The following SRGAP3 variants were observed in gnomAD, a reference collection of about 807,000 sequenced individuals.
SRGAP3 encodes SLIT-ROBO Rho GTPase-activating protein 3.
SRGAP3 carries 39 observed loss-of-function variants against 121.1 expected under a neutral mutation model. The ratio of observed to expected loss-of-function variants is 0.32; its 90% CI spans 0.25 to 0.42. The LOEUF is 0.42. Among genes scored for constraint, SRGAP3 ranks in the 10% least tolerant of loss-of-function variants. The pLI is 1.00. For synonymous variants in SRGAP3, 601 were observed against 570.0 expected, an observed-to-expected ratio of 1.05 and a Z score of -0.77; for missense variants, 1,213 against 1,470.6, an observed-to-expected ratio of 0.82 and a Z score of 2.86.
intron 1 of SRGAP3, among the ~76,000 whole-genome samples, chr3:9,213,114 G>A (rs1282589615): frequency 4.6e-5 from 7 of 152,136 alleles, no homozygotes; most frequent in African/African-American, 7.2e-5. Flanking sequence ...ATAGCCACAC[G>A]GGTAGCCCTC....
chr3:9,249,328 C>G lies in SRGAP3; in HGVS notation c.-377G>C. On this transcript the variant is annotated 5_prime_UTR_variant, in exon 1 of 22. Transcript: ENST00000383836. ...ACACACTCACGCATGCACAGGCACA[C>G]TCACCGGGACACGCACACAGTTGTG... 4.7e-6 allele frequency: 2 copies of G among 428,664 alleles called. No homozygotes were observed. Among genetic ancestry groups the G allele is most frequent in the Non-Finnish European group, 8.7e-6 (2 of 229,886 alleles). 26.6% of individuals were successfully genotyped at this position (428,664 alleles called of 1,614,324 possible). A position where few individuals can be genotyped will look rare whatever the true frequency, so the allele number is the denominator to read the frequency against.
At chr3:9,192,082 T>C (rs7619013) in intron 1 of SRGAP3, among the ~76,000 whole-genome samples, 35,168 of 152,086 alleles carry the variant, frequency 0.23, 4,560 homozygotes, top group African/African-American at 0.35. Flanking sequence ...TTTATAGCAA[T>C]GCAAGAATGG....
intron 1 of SRGAP3, among the ~76,000 whole-genome samples, chr3:9,157,243 A>G (rs752901717): frequency 7.2e-5 from 11 of 152,170 alleles, no homozygotes; most frequent in Admixed American, 2.6e-4. Context: ...ACGTCTTCAC[A>G]TGGTGGCAGC....
chr3:9,161,780 GT>G (rs1214284663), intron 1 of SRGAP3, among the ~76,000 whole-genome samples: 3 of 152,094 alleles, frequency 2.0e-5, no homozygotes, highest in African/African-American at 4.8e-5. Flanking sequence ...TGCTGGCTGG[GT>G]CTCCATCTGC....
At chr3:9,248,579 A>G (rs1421022172) in intron 1 of SRGAP3, among the ~76,000 whole-genome samples, 1 of 152,168 alleles carries the variant, frequency 6.6e-6, no homozygotes, top group African/African-American at 2.4e-5. Context: ...TTAGAGTGAC[A>G]TGTCACCGCC....
At position 9,239,625 on chromosome 3, in the gene SRGAP3, A is replaced by G. The variant is rs896485195; in HGVS notation, c.67+9260T>C. Among the ~76,000 whole-genome samples the G allele has an allele frequency of 6.6e-6, 1 of 152,126 alleles. No homozygotes were observed. The highest frequency in any genetic ancestry group is 1.5e-5 in the Non-Finnish European group (1 of 68,022). On this transcript the variant is annotated intron_variant, in intron 1 of 21. Coordinates refer to ENST00000383836, the MANE Select transcript of SRGAP3 (RefSeq NM_014850.4). The surrounding 1 kb of genome is among the most constrained non-coding windows in gnomAD (Gnocchi z 4.0). ...CTGCAGCAGTGTGCACCCCATTACC[A>G]TCACGCACAGATGGGCACACGCAAT...
intron 3 of SRGAP3, among the ~76,000 whole-genome samples, chr3:9,299,968 A>G (rs1045385599): frequency 2.0e-4 from 30 of 151,772 alleles, no homozygotes; most frequent in Non-Finnish European, 4.3e-4. Context: ...AGGAACCTTC[A>G]CAAGCTATGT....
intron 1 of SRGAP3, among the ~76,000 whole-genome samples, chr3:9,164,186 G>A (rs539901257): frequency 1.3e-5 from 2 of 151,016 alleles, no homozygotes; most frequent in African/African-American, 2.4e-5. Context: ...CAGTATAGAC[G>A]GGGTTTCTCC....
chr3:9,062,258 A>C (rs1301345919), intron 5 of SRGAP3, among the ~76,000 whole-genome samples: 1 of 152,182 alleles, frequency 6.6e-6, no homozygotes, highest in Non-Finnish European at 1.5e-5. Context: ...TGAGAACTGG[A>C]GAGAAGTGGC....
intron 1 of SRGAP3, among the ~76,000 whole-genome samples, chr3:9,132,048 C>T (rs1043660625): frequency 1.3e-5 from 2 of 152,126 alleles, no homozygotes; most frequent in Admixed American, 6.5e-5. Context: ...ACAACCACAA[C>T]CTCACCAGCA....
intron 3 of SRGAP3, among the ~76,000 whole-genome samples, chr3:9,295,547 A>C (rs1954938621): frequency 6.6e-6 from 1 of 152,228 alleles, no homozygotes. Flanking sequence ...CAAAGGCATA[A>C]AAAGACATAC....
intron 11 of SRGAP3, chr3:9,034,941 T>G (rs1216451449): frequency 6.6e-6 from 1 of 152,228 alleles, no homozygotes; most frequent in Admixed American, 6.5e-5. Flanking sequence ...GATCATTTCC[T>G]TATCACATTG....
chr3:9,353,690 C>A (rs927676130), intron 1 of SRGAP3, among the ~76,000 whole-genome samples: 3 of 152,312 alleles, frequency 2.0e-5, no homozygotes, highest in African/African-American at 7.2e-5. Flanking sequence ...CCTGACAGGA[C>A]AAAGGTCCTT....
chr3:9,313,286 C>T (rs1034856869), intron 3 of SRGAP3, among the ~76,000 whole-genome samples: 2 of 152,228 alleles, frequency 1.3e-5, no homozygotes, highest in African/African-American at 2.4e-5. Flanking sequence ...TCAACTGCCA[C>T]TTTCTCAATG....
chr3:9,252,542 G>A (rs182865837), upstream of SRGAP3, among the ~76,000 whole-genome samples: 123 of 152,238 alleles, frequency 8.1e-4, no homozygotes, highest in African/African-American at 2.7e-3. Flanking sequence ...TACCCAGATT[G>A]GGAAAAGGAA....
chr3:9,328,345 A>T (rs1331596055), intron 2 of SRGAP3, among the ~76,000 whole-genome samples: 1 of 152,212 alleles, frequency 6.6e-6, no homozygotes, highest in East Asian at 1.9e-4. Flanking sequence ...CCACATTTTA[A>T]GTTTCTTAAT....
At chr3:9,016,111 G>T in intron 14 of SRGAP3, 1 of 271,096 alleles carries the variant, frequency 3.7e-6, no homozygotes. Flanking sequence ...CTAAGAATAA[G>T]GATATTCTTG....
intron 11 of SRGAP3, chr3:9,035,665 A>T (rs990315723): frequency 1.2e-5 from 2 of 173,702 alleles, no homozygotes; most frequent in Non-Finnish European, 2.5e-5. Context: ...AAAGCCACAG[A>T]GAGGAAGAAA....
intron 6 of SRGAP3, chr3:9,058,714 C>CTTTTTTTT (rs71049768): frequency 9.4e-6 from 2 of 213,724 alleles, no homozygotes; most frequent in Admixed American, 7.3e-5. Flanking sequence ...TTCTCTCTCT[C>CTTTTTTTT]TTTTTTTTTT....
Sources: allele counts gnomAD v4.1 joint callset (sites outside exome capture counted in the v4.1 genomes callset), GRCh38; gene constraint gnomAD v4.1.1; non-coding constraint Gnocchi (gnomAD v3.1); transcripts MANE v1.5; gene names NCBI Gene and HGNC (gene_info 2026-07-23, HGNC 2026-07-21).